The following LIPA variants were observed in gnomAD, a reference collection of about 807,000 sequenced individuals.
The protein encoded by LIPA is lipase A, lysosomal acid type.
In LIPA, 26 loss-of-function variants were observed where a neutral mutation model predicts 40.6. That is an observed-to-expected ratio of 0.64 (90% CI 0.47 to 0.89). LIPA has a LOEUF of 0.89. LIPA is among the 40% of genes least tolerant of loss of function. LIPA has a pLI of 0.00. For synonymous variants in LIPA, 188 were observed against 168.4 expected (o/e 1.12, Z -0.90); for missense variants, 455 against 479.6 (o/e 0.95, Z 0.48).
In LIPA at chr10:89,241,661, T is replaced by C. The variant is rs530673174; in HGVS notation, c.229+4015A>G. 1.2e-3 allele frequency among the ~76,000 whole-genome samples: 188 copies of C among 152,294 alleles called. 1 individual carries two copies. The highest frequency in any genetic ancestry group is 4.3e-3 in the African/African-American group (177 of 41,560). On this transcript the variant is annotated intron_variant, in intron 3 of 9. Transcript: ENST00000336233. Reference sequence around the variant, plus strand: ...AGCTCAATGGACAACCCCTGGGGAATCTTTGCTGAGGCCACAGTTGAAAAG... The same window carrying C: ...AGCTCAATGGACAACCCCTGGGGAACCTTTGCTGAGGCCACAGTTGAAAAG...
chr10:89,347,972 G>T (rs760626193), intron 2 of LIPA, among the ~76,000 whole-genome samples: 2 of 152,152 alleles, frequency 1.3e-5, no homozygotes, highest in African/African-American at 4.8e-5. Context: ...GCCTACCACC[G>T]TAAGGTTTCC....
At chr10:89,306,775 T>TAGAA in intron 1 of LIPA, 1 of 1,614,142 alleles carries the variant, frequency 6.2e-7, no homozygotes, top group Non-Finnish European at 8.5e-7. Flanking sequence ...TTAAAAAGGC[T>TAGAA]TTAGAATACA....
At chr10:89,402,541 A>G in intron 2 of LIPA, 1 of 1,614,118 alleles carries the variant, frequency 6.2e-7, no homozygotes, top group Non-Finnish European at 8.5e-7. Context: ...CATGACAACC[A>G]AGCAAATGTG....
intron 2 of LIPA, chr10:89,383,578 C>A: frequency 1.9e-6 from 3 of 1,614,170 alleles, no homozygotes; most frequent in Non-Finnish European, 2.5e-6. Context: ...ACATGCCAAC[C>A]AAGCAGATAT....
At chr10:89,364,805 T>C (rs1416842108) in intron 2 of LIPA, among the ~76,000 whole-genome samples, 1 of 152,142 alleles carries the variant, frequency 6.6e-6, no homozygotes, top group South Asian at 2.1e-4. Flanking sequence ...CTCTTTGCTC[T>C]TTCTCTGTAT....
intron 1 of LIPA, among the ~76,000 whole-genome samples, chr10:89,290,121 CA>C (rs1843365432): frequency 6.6e-6 from 1 of 152,152 alleles, no homozygotes; most frequent in African/African-American, 2.4e-5. Flanking sequence ...GCCAACCAAG[CA>C]AGTAATTACA....
At chr10:89,244,779 T>C (rs1843004041) in intron 3 of LIPA, among the ~76,000 whole-genome samples, 2 of 152,166 alleles carry the variant, frequency 1.3e-5, no homozygotes, top group Admixed American at 1.3e-4. Context: ...ATATATACTT[T>C]TTAAGCCAAA....
rs1450382661 is a variant in LIPA at position 89,215,079 on chromosome 10, C to T, written c.967-18G>A. The T allele has an allele frequency of 6.5e-6, 10 of 1,534,200 alleles. No individual in the cohort carries two copies. Among genetic ancestry groups the T allele is most frequent in the Non-Finnish European group, 8.1e-6 (9 of 1,107,378 alleles). On this transcript the variant is annotated intron_variant, in intron 9 of 9. Coordinates refer to ENST00000336233, the MANE Select transcript of LIPA (RefSeq NM_000235.4). ...GGATAACTCTACAATGAAAAGGAAC[C>T]AGAGAAAGCCTCGTTGTTGTTGTTG...
Position 89,374,498 on chromosome 10 carries a change from C to T in LIPA, c.61+38293G>A, listed in dbSNP as rs148455123. 5.9e-3 allele frequency among the ~76,000 whole-genome samples: 897 copies of T among 152,286 alleles called. 5 individuals are homozygous for T. Among genetic ancestry groups the T allele is most frequent in the Non-Finnish European group, 9.5e-3 (643 of 68,026 alleles). ...GAGCCTCACAGAACCAGGACTGCTG[C>T]CAAATTCAGTGACCACATGACAAAC... On this transcript the variant is annotated intron_variant, in intron 2 of 8. Transcript: ENST00000371837.
chr10:89,231,034 C>T (rs1842834938), intron 3 of LIPA, among the ~76,000 whole-genome samples: 2 of 152,146 alleles, frequency 1.3e-5, no homozygotes, highest in Non-Finnish European at 2.9e-5. Flanking sequence ...TCATTGAAAT[C>T]CACTTGGTAT....
intron 1 of LIPA, among the ~76,000 whole-genome samples, chr10:89,413,433 A>G (rs1393086083): frequency 6.6e-6 from 1 of 152,172 alleles, no homozygotes; most frequent in Non-Finnish European, 1.5e-5. Context: ...CAATATTTCA[A>G]TGCAATATGT....
At chr10:89,225,817 T>C (rs1238298349) in intron 5 of LIPA, among the ~76,000 whole-genome samples, 4 of 152,106 alleles carry the variant, frequency 2.6e-5, no homozygotes, top group African/African-American at 7.2e-5. Flanking sequence ...GTTCCCCCCA[T>C]ACTGTTCTTG....
intron 5 of LIPA, among the ~76,000 whole-genome samples, chr10:89,225,835 GAGTA>G (rs1420705998): frequency 6.6e-6 from 1 of 151,332 alleles, no homozygotes; most frequent in Non-Finnish European, 1.5e-5. Flanking sequence ...TTGTGGTAGT[GAGTA>G]AGTCTCTTGA....
At chr10:89,255,302 A>G (rs755906885), upstream of LIPA, among the ~76,000 whole-genome samples, 10 of 152,340 alleles carry the variant, frequency 6.6e-5, no homozygotes, top group East Asian at 3.9e-4. Flanking sequence ...CTTACATGGC[A>G]GCAGACATGA....
At chr10:89,251,300 T>C (rs1268636722) in intron 1 of LIPA, among the ~76,000 whole-genome samples, 3 of 152,188 alleles carry the variant, frequency 2.0e-5, no homozygotes, top group African/African-American at 7.2e-5. Flanking sequence ...TTAACCAGGA[T>C]TGATGCCCAA....
At chr10:89,394,628 A>ATATATATATATAT (rs1491430146) in intron 2 of LIPA, among the ~76,000 whole-genome samples, 1 of 28,152 alleles carries the variant, frequency 3.6e-5, no homozygotes, top group Non-Finnish European at 5.7e-5. Context: ...ATATATATAT[A>ATATATATATATAT]AAACTTGAAT....
At chr10:89,363,638 G>A (rs1019778513) in intron 2 of LIPA, among the ~76,000 whole-genome samples, 2 of 152,056 alleles carry the variant, frequency 1.3e-5, no homozygotes, top group Admixed American at 6.6e-5. Context: ...TTAGCCAGGT[G>A]TGGTGGCAGG....
At chr10:89,300,013 A>G (rs535026600) in intron 1 of LIPA, among the ~76,000 whole-genome samples, 1 of 152,370 alleles carries the variant, frequency 6.6e-6, no homozygotes, top group African/African-American at 2.4e-5. Context: ...TATGAAATCA[A>G]CATAGGTGCT....
In LIPA at chr10:89,398,184, C is replaced by G. The variant is rs549310340; in HGVS notation, c.61+14607G>C. 3.9e-5 allele frequency among the ~76,000 whole-genome samples: 6 copies of G among 152,290 alleles called. No homozygotes were observed. The East Asian group carries it at 9.6e-4, about 24-fold the overall frequency. ...GGTTCTGCAGAGCCCTGGGGGAGAACAGCTGAAGGCAGCTGTTCTATAACT... is the reference window on the plus strand; with the variant it reads ...GGTTCTGCAGAGCCCTGGGGGAGAAGAGCTGAAGGCAGCTGTTCTATAACT... On this transcript the variant is annotated intron_variant, in intron 2 of 8. Coordinates refer to the LIPA transcript ENST00000371837.
Sources: allele counts gnomAD v4.1 joint callset (sites outside exome capture counted in the v4.1 genomes callset), GRCh38; gene constraint gnomAD v4.1.1; transcripts MANE v1.5; gene names NCBI Gene and HGNC (gene_info 2026-07-23, HGNC 2026-07-21).